Variants in FER1L6 observed in about 807,000 individuals in gnomAD.
The protein encoded by FER1L6 is fer-1-like protein 6.
In FER1L6, 177 loss-of-function variants were observed where a neutral mutation model predicts 219.2. That is an observed-to-expected ratio of 0.81 (90% CI 0.71 to 0.91). The LOEUF (loss-of-function observed/expected upper bound fraction) is 0.91, where lower values mean the gene tolerates loss of function less well. Among genes scored for constraint, FER1L6 ranks in the 40% least tolerant of loss-of-function variants. FER1L6 has a pLI of 0.00. For synonymous variants in FER1L6, 768 were observed against 824.3 expected, an observed-to-expected ratio of 0.93 and a Z score of 1.17; for missense variants, 2,153 against 2,259.9, an observed-to-expected ratio of 0.95 and a Z score of 0.96.
chr8:123,878,131 G>A (rs1435880356), intron 1 of FER1L6, among the ~76,000 whole-genome samples: 1 of 151,900 alleles, frequency 6.6e-6, no homozygotes, highest in Non-Finnish European at 1.5e-5. Flanking sequence ...TGGAAGAAGG[G>A]GGCAGTACAG....
intron 12 of FER1L6, among the ~76,000 whole-genome samples, chr8:123,991,918 A>G (rs1473483412): frequency 6.6e-6 from 1 of 151,966 alleles, no homozygotes; most frequent in East Asian, 1.9e-4. Flanking sequence ...TCATAAAATG[A>G]TGCTGTATTT....
chr8:124,090,438 G>T (rs1161271039), intron 33 of FER1L6, among the ~76,000 whole-genome samples: 1 of 152,212 alleles, frequency 6.6e-6, no homozygotes, highest in African/African-American at 2.4e-5. Flanking sequence ...CCAGGTAGCA[G>T]TATAGTTGTC....
chr8:124,119,615 A>G lies in FER1L6; in HGVS notation c.5399A>G (p.Asp1800Gly), dbSNP rs1464117431. 6.2e-7 allele frequency: 1 copy of G among 1,611,796 alleles called. No homozygotes were observed. Among genetic ancestry groups the G allele is most frequent in the Admixed American group, 1.7e-5 (1 of 59,958 alleles). ...PEPLAKPNRP[D>G]TSFSWFMSPF... ...TCTTCCTTCCCCCTCAGCCGCCCAG[A>G]CACCTCCTTTTCGTGGTTCATGAGC... The change falls in exon 41 of 41, where the codon GAC (aspartate) becomes GGC (glycine). Residue 1800 changes from aspartate to glycine, a missense_variant. Transcript: ENST00000522917.
At chr8:124,100,350 T>A (rs367804166) in intron 37 of FER1L6, among the ~76,000 whole-genome samples, 10 of 152,216 alleles carry the variant, frequency 6.6e-5, no homozygotes, top group African/African-American at 2.2e-4. Flanking sequence ...GATAGGTAAT[T>A]TGGAATGTCC....
At chr8:124,075,106 T>G (rs143810589) in intron 31 of FER1L6, among the ~76,000 whole-genome samples, 266 of 152,290 alleles carry the variant, frequency 1.7e-3, no homozygotes, top group African/African-American at 6.3e-3. Context: ...TACACTAAAT[T>G]TATAACACAC....
chr8:124,062,535 G>A (rs1451101553), intron 25 of FER1L6, among the ~76,000 whole-genome samples: 2 of 152,274 alleles, frequency 1.3e-5, no homozygotes, highest in East Asian at 1.9e-4. Context: ...ATAATATGAT[G>A]CTATAATTTT....
chr8:124,058,539 T>C (rs1312713891), intron 22 of FER1L6, among the ~76,000 whole-genome samples: 2 of 152,228 alleles, frequency 1.3e-5, no homozygotes, highest in Admixed American at 6.5e-5. Flanking sequence ...CACAATGTTA[T>C]AGGATTCTTT....
At chr8:124,045,068 A>G (rs1425614085) in intron 20 of FER1L6, among the ~76,000 whole-genome samples, 2 of 152,264 alleles carry the variant, frequency 1.3e-5, no homozygotes, top group African/African-American at 4.8e-5. Flanking sequence ...TAATTCAGTC[A>G]ATAACCACAA....
intron 1 of FER1L6, among the ~76,000 whole-genome samples, chr8:123,891,906 T>A (rs1812655322): frequency 6.6e-6 from 1 of 152,120 alleles, no homozygotes; most frequent in South Asian, 2.1e-4. Context: ...AAGGGTCAAT[T>A]TTGAGGGATA....
chr8:123,901,823 A>C (rs981813455), intron 1 of FER1L6, among the ~76,000 whole-genome samples: 1 of 151,254 alleles, frequency 6.6e-6, no homozygotes, highest in Non-Finnish European at 1.5e-5. Flanking sequence ...GTTTCACACC[A>C]TTCTCCTGCC....
intron 22 of FER1L6, among the ~76,000 whole-genome samples, chr8:124,051,956 T>G (rs1586641661): frequency 6.6e-6 from 1 of 152,086 alleles, no homozygotes; most frequent in South Asian, 2.1e-4. Flanking sequence ...TGAGGCTGGG[T>G]GAGAGTTCTT....
rs1820244615 is a variant in FER1L6, at chr8:124,055,445, T to G, written c.2875-4735T>G. On this transcript the variant is annotated intron_variant, in intron 22 of 40. Transcript: ENST00000522917. ...ATGGAATTCTGTGTGTAAGCCAGAT[T>G]TCAACTGTTGGGCCATTCCCTGGGC... 2.6e-5 allele frequency among the ~76,000 whole-genome samples: 4 copies of G among 152,178 alleles called. No homozygotes were observed. In the South Asian group the frequency reaches 8.3e-4, roughly 32 times the overall value.
At position 124,066,423 on chromosome 8, in the gene FER1L6, G is replaced by T. The variant is rs563067180; in HGVS notation, c.3556-5G>T. ...CTAATAACCCATTCCCTCATCCCTTGCCAGGATCCCAGGAAGCCTTCCCGG... is the reference window on the plus strand; with the variant it reads ...CTAATAACCCATTCCCTCATCCCTTTCCAGGATCCCAGGAAGCCTTCCCGG... On this transcript the variant is annotated splice_region_variant and splice_polypyrimidine_tract_variant and intron_variant, in intron 26 of 40. Transcript: ENST00000522917. The T allele has an allele frequency of 1.1e-5, 18 of 1,613,364 alleles. No homozygotes were observed. In the South Asian group the frequency reaches 1.9e-4, roughly 17 times the overall value.
intron 8 of FER1L6, among the ~76,000 whole-genome samples, chr8:123,975,674 C>G (rs1264221605): frequency 1.3e-5 from 2 of 152,172 alleles, no homozygotes; most frequent in Non-Finnish European, 2.9e-5. Flanking sequence ...GAGTGGGAGA[C>G]AGTATTTATC....
chr8:124,105,000 C>G (rs1822708455), intron 39 of FER1L6, among the ~76,000 whole-genome samples: 2 of 152,182 alleles, frequency 1.3e-5, no homozygotes, highest in South Asian at 2.1e-4. Flanking sequence ...AAAACCACAG[C>G]TAGCTACTCA....
intron 1 of FER1L6, among the ~76,000 whole-genome samples, chr8:123,875,203 C>A (rs1816986290): frequency 6.6e-6 from 1 of 151,794 alleles, no homozygotes; most frequent in Admixed American, 6.6e-5. Context: ...TAAAAAAAAA[C>A]AATCAAAAAA....
chr8:123,973,317 C>A, intron 6 of FER1L6, 117 bp from the exon 7 acceptor site: 2 of 775,738 alleles, frequency 2.6e-6, no homozygotes, highest in Admixed American at 2.0e-5. Flanking sequence ...CCTTTACAGC[C>A]TTGTGGTTTG....
rs913928926 is a variant in FER1L6, at chr8:123,986,125, A to G, written c.1468A>G (p.Met490Val). 2 of 1,613,876 alleles carry G rather than the reference A, an allele frequency of 1.2e-6. No individual in the cohort carries two copies. Among genetic ancestry groups the G allele is most frequent in the South Asian group, 1.1e-5 (1 of 91,072 alleles). The change falls in exon 12 of 41, where the codon ATG becomes GTG. Residue 490 changes from methionine (M) to valine (V), a missense_variant. Met to Val is a conservative substitution (Grantham distance 21). Transcript: ENST00000522917. Reference sequence around the variant, plus strand: ...CTTTGGAGCATTTTTTGAAGCTACCATGATTGACCGGAAGATTGGAGATAA... The same window carrying G: ...CTTTGGAGCATTTTTTGAAGCTACCGTGATTGACCGGAAGATTGGAGATAA... ...LLFGAFFEAT[M>V]IDRKIGDKPI...
intron 14 of FER1L6, among the ~76,000 whole-genome samples, chr8:124,012,652 T>C (rs181878317): frequency 8.5e-5 from 13 of 152,362 alleles, no homozygotes; most frequent in Admixed American, 3.9e-4. Flanking sequence ...TTGTAAGTGA[T>C]AGAGCCTGGA....
Sources: allele counts gnomAD v4.1 joint callset (sites outside exome capture counted in the v4.1 genomes callset), GRCh38; gene constraint gnomAD v4.1.1; transcripts MANE v1.5; gene names NCBI Gene and HGNC (gene_info 2026-07-23, HGNC 2026-07-21).